BMERB1: variants seen among roughly 807,000 people sequenced by gnomAD.
BMERB1 encodes the protein bMERB domain containing 1, also known as bMERB domain-containing protein 1.
A neutral mutation model predicts 23.6 loss-of-function variants in BMERB1; 12 were observed. That is an observed-to-expected ratio of 0.51 (90% confidence interval 0.33 to 0.82). The LOEUF is 0.82. Ranked by LOEUF, BMERB1 falls within the 40% of genes least tolerant of loss-of-function variation. The pLI, the probability that BMERB1 is intolerant of heterozygous loss-of-function variation, is 0.03. For missense variants in BMERB1, 247 were observed against 255.4 expected (o/e 0.97, Z 0.22); for synonymous variants, 122 against 96.6 (o/e 1.26, Z -1.54).
At chr16:15,578,964 G>A (rs1001658754) in intron 3 of BMERB1, among the ~76,000 whole-genome samples, 2 of 152,212 alleles carry the variant, frequency 1.3e-5, no homozygotes, top group African/African-American at 4.8e-5. Flanking sequence ...CTAGTCATAG[G>A]TCTGTGAGCT....
intron 2 of BMERB1, among the ~76,000 whole-genome samples, chr16:15,561,219 A>G (rs1381439506): frequency 7.1e-6 from 1 of 139,998 alleles, no homozygotes; most frequent in Admixed American, 7.6e-5. Context: ...AGCCTTCCAA[A>G]CTGCTAGGAT....
chr16:15,567,138 C>T (rs1385544039), intron 2 of BMERB1, among the ~76,000 whole-genome samples: 1 of 152,056 alleles, frequency 6.6e-6, no homozygotes, highest in Non-Finnish European at 1.5e-5. Context: ...CTGCAGTAAG[C>T]TATGATCACG....
chr16:15,533,855 A>T (rs2051993885), intron 2 of BMERB1, among the ~76,000 whole-genome samples: 1 of 152,056 alleles, frequency 6.6e-6, no homozygotes. Context: ...ACCTTGTTCA[A>T]CCCTGCGCAT....
intron 1 of BMERB1, among the ~76,000 whole-genome samples, chr16:15,490,811 A>G (rs974087006): frequency 6.6e-6 from 1 of 152,186 alleles, no homozygotes; most frequent in Non-Finnish European, 1.5e-5. Context: ...TAAGTGCAGT[A>G]GTGTATTTAT....
chr16:15,554,918 G>A (rs1378301684), intron 2 of BMERB1, among the ~76,000 whole-genome samples: 7 of 151,948 alleles, frequency 4.6e-5, no homozygotes, highest in Non-Finnish European at 1.0e-4. Context: ...CGCCCGCCTC[G>A]GCCTCCCAAA....
intron 1 of BMERB1, among the ~76,000 whole-genome samples, chr16:15,501,472 G>A (rs1167810200): frequency 1.3e-5 from 2 of 149,042 alleles, no homozygotes; most frequent in Non-Finnish European, 3.0e-5. Context: ...TTTTTTGTTT[G>A]TTGTTCTTGT....
At chr16:15,475,958 C>A (rs910486793) in intron 1 of BMERB1, among the ~76,000 whole-genome samples, 5 of 152,158 alleles carry the variant, frequency 3.3e-5, no homozygotes, top group African/African-American at 1.2e-4. Flanking sequence ...CATTCTCCAG[C>A]CCCTCTGAAG....
chr16:15,495,625 C>T (rs369022436), intron 1 of BMERB1, among the ~76,000 whole-genome samples: 3 of 152,186 alleles, frequency 2.0e-5, no homozygotes, highest in South Asian at 2.1e-4. Context: ...CTCGGCCTCC[C>T]GAAGTGCTGG....
rs773978025 is a variant in BMERB1, at chr16:15,496,543, AT to A, written c.107-18747del. Among the ~76,000 whole-genome samples, 760 of 144,364 alleles carry A rather than the reference AT, an allele frequency of 5.3e-3. 6 individuals are homozygous for A. The highest frequency in any genetic ancestry group is 0.012 in the African/African-American group (480 of 39,618). 94.7% of individuals were successfully genotyped at this position (144,364 alleles called of 152,430 possible). ...TTAATAGACCCACTTTACAAGGGAAATTTTTTTTTTTTTTTGAGACAGTCTT... is the reference window on the plus strand; with the variant it reads ...TTAATAGACCCACTTTACAAGGGAAATTTTTTTTTTTTTTGAGACAGTCTT... On this transcript the variant is annotated intron_variant, in intron 1 of 5. Transcript: ENST00000300006.
Position 15,470,827 on chromosome 16 carries a change from T to C in BMERB1, c.106+36068T>C, listed in dbSNP as rs1489826927. On this transcript the variant is annotated intron_variant, in intron 1 of 5. Coordinates refer to ENST00000300006, the MANE Select transcript of BMERB1 (RefSeq NM_033201.3). ...GCATGAGCCACCGCACCTGGCCTCT[T>C]TTTTTTTTTTTTTTTTTTTTTTTTT... Among the ~76,000 whole-genome samples the C allele has an allele frequency of 3.2e-3, 219 of 69,124 alleles. 1 individual carries two copies. Among genetic ancestry groups the C allele is most frequent in the African/African-American group, 0.018 (208 of 11,652 alleles). The allele number at this position is 69,124 out of a possible 152,430, so 45.3% of individuals were successfully genotyped here.
chr16:15,496,042 GTAA>G (rs1010688577), intron 1 of BMERB1, among the ~76,000 whole-genome samples: 2 of 151,778 alleles, frequency 1.3e-5, no homozygotes, highest in African/African-American at 2.4e-5. Flanking sequence ...GAAAGGGGTG[GTAA>G]TGATGGTGGT....
intron 2 of BMERB1, among the ~76,000 whole-genome samples, chr16:15,541,187 C>T (rs547800972): frequency 6.6e-6 from 1 of 152,144 alleles, no homozygotes; most frequent in African/African-American, 2.4e-5. Flanking sequence ...TTACAAAGGA[C>T]AGAACTCAGG....
At chr16:15,460,961 T>TA (rs1209327027) in intron 1 of BMERB1, among the ~76,000 whole-genome samples, 2 of 151,818 alleles carry the variant, frequency 1.3e-5, no homozygotes, top group African/African-American at 4.8e-5. Context: ...CATTTTCTAC[T>TA]AAAAATACAA....
intron 3 of BMERB1, among the ~76,000 whole-genome samples, chr16:15,572,484 G>T (rs1484144769): frequency 4.6e-5 from 7 of 152,178 alleles, no homozygotes; most frequent in African/African-American, 1.7e-4. Flanking sequence ...TGATTAAAAT[G>T]TTCTAAAATG....
intron 1 of BMERB1, among the ~76,000 whole-genome samples, chr16:15,477,337 A>G (rs1010385762): frequency 7.2e-5 from 11 of 152,328 alleles, no homozygotes; most frequent in African/African-American, 2.6e-4. Flanking sequence ...AACCACCTCC[A>G]TGATTCAGTT....
At chr16:15,440,514 T>C (rs1470922985) in intron 1 of BMERB1, among the ~76,000 whole-genome samples, 2 of 152,162 alleles carry the variant, frequency 1.3e-5, no homozygotes, top group African/African-American at 4.8e-5. Flanking sequence ...TGGGGAAAGG[T>C]TTGAACTATC....
At chr16:15,570,450 G>C (rs2030695341) in intron 3 of BMERB1, among the ~76,000 whole-genome samples, 1 of 152,094 alleles carries the variant, frequency 6.6e-6, no homozygotes, top group African/African-American at 2.4e-5. Context: ...ATCATTTTTT[G>C]TTGGGGGTAC....
At chr16:15,481,752 C>G (rs574039315) in intron 1 of BMERB1, among the ~76,000 whole-genome samples, 2 of 149,246 alleles carry the variant, frequency 1.3e-5, no homozygotes, top group East Asian at 3.9e-4. Flanking sequence ...GATGGAGTCT[C>G]TCTCTGTCCC....
chr16:15,526,536 TG>T (rs1489260402), intron 2 of BMERB1, among the ~76,000 whole-genome samples: 2 of 151,696 alleles, frequency 1.3e-5, no homozygotes, highest in African/African-American at 2.4e-5. Context: ...TGGTGGTGTA[TG>T]CCTGTAGTCC....
Sources: gnomAD v4.1 joint callset for allele counts (sites outside exome capture counted in the v4.1 genomes callset) on GRCh38, gnomAD v4.1.1 for gene constraint, MANE v1.5 for transcripts, NCBI Gene and HGNC (gene_info 2026-07-23, HGNC 2026-07-21) for gene names.